ARFIP1: variants seen among roughly 807,000 people sequenced by gnomAD.
ARFIP1 encodes arfaptin-1.
In ARFIP1, 24 loss-of-function variants were observed where a neutral mutation model predicts 42.5. That is an observed-to-expected ratio of 0.57 (90% CI 0.41 to 0.80). ARFIP1 has a LOEUF of 0.80. Ranked by LOEUF, ARFIP1 falls within the 30% of genes least tolerant of loss-of-function variation. The pLI, the probability that ARFIP1 is intolerant of heterozygous loss-of-function variation, is 0.00. For synonymous variants in ARFIP1, 141 were observed against 153.7 expected, an observed-to-expected ratio of 0.92 and a Z score of 0.61; for missense variants, 354 against 434.0, an observed-to-expected ratio of 0.82 and a Z score of 1.64.
chr4:152,858,300 A>G (rs1578947819), intron 2 of ARFIP1, among the ~76,000 whole-genome samples: 2 of 152,200 alleles, frequency 1.3e-5, no homozygotes, highest in African/African-American at 4.8e-5. Context: ...TCAAAAAAGT[A>G]AAATAAAATA....
At chr4:152,893,150 T>C (rs1737003779) in intron 8 of ARFIP1, among the ~76,000 whole-genome samples, 1 of 152,206 alleles carries the variant, frequency 6.6e-6, no homozygotes, top group African/African-American at 2.4e-5. Flanking sequence ...TGCAGGTATA[T>C]AGTACTCATT....
chr4:152,825,403 C>T (rs1044959926), intron 1 of ARFIP1, among the ~76,000 whole-genome samples: 1 of 152,108 alleles, frequency 6.6e-6, no homozygotes, highest in African/African-American at 2.4e-5. Context: ...AAGCCAAATA[C>T]AACCAACTGA....
At chr4:152,877,143 G>A (rs1001621200) in intron 5 of ARFIP1, among the ~76,000 whole-genome samples, 1 of 152,142 alleles carries the variant, frequency 6.6e-6, no homozygotes, top group Non-Finnish European at 1.5e-5. Flanking sequence ...CCACCATCCT[G>A]CAGACCCCTG....
chr4:152,813,424 C>G (rs1729626136), intron 1 of ARFIP1, among the ~76,000 whole-genome samples: 1 of 152,122 alleles, frequency 6.6e-6, no homozygotes, highest in African/African-American at 2.4e-5. Flanking sequence ...TTATGCTTCT[C>G]TACTCTGCGT....
chr4:152,782,904 C>A (rs775871897), intron 1 of ARFIP1, among the ~76,000 whole-genome samples: 1 of 151,956 alleles, frequency 6.6e-6, no homozygotes. Flanking sequence ...TTGAAGAGAC[C>A]TATACAGCTC....
At chr4:152,783,995 G>A (rs945640998) in intron 1 of ARFIP1, among the ~76,000 whole-genome samples, 2 of 152,282 alleles carry the variant, frequency 1.3e-5, no homozygotes, top group African/African-American at 2.4e-5. Flanking sequence ...AATAAACTGG[G>A]CATTGTAAGA....
intron 1 of ARFIP1, among the ~76,000 whole-genome samples, chr4:152,795,689 A>G (rs919970902): frequency 6.6e-6 from 1 of 152,132 alleles, no homozygotes; most frequent in Non-Finnish European, 1.5e-5. Context: ...ATCCTCACTA[A>G]TGGAATGTTT....
chr4:152,846,846 A>G (rs959931579), intron 2 of ARFIP1, among the ~76,000 whole-genome samples: 5 of 152,130 alleles, frequency 3.3e-5, no homozygotes, highest in African/African-American at 1.2e-4. Flanking sequence ...TACATAAAAT[A>G]AAAGTGGTAG....
chr4:152,910,010 A>G lies in ARFIP1; in HGVS notation c.967-54A>G, dbSNP rs1738706546. 5.1e-6 allele frequency: 8 copies of G among 1,568,814 alleles called. No individual in the cohort carries two copies. In the South Asian group the frequency reaches 8.1e-5, roughly 16 times the overall value. ...TAAGGAATGTAATAAATCACTCTCT[A>G]TTTTATTGTTATTGGTGTTAATGCT... On this transcript the variant is annotated intron_variant, in intron 8 of 8. Coordinates refer to ENST00000353617, the MANE Select transcript of ARFIP1 (RefSeq NM_001025595.3).
At chr4:152,828,842 T>C (rs535550801) in intron 1 of ARFIP1, among the ~76,000 whole-genome samples, 1 of 152,348 alleles carries the variant, frequency 6.6e-6, no homozygotes, top group South Asian at 2.1e-4. Flanking sequence ...TTTATGAGCT[T>C]TATGGTTTGC....
intron 1 of ARFIP1, among the ~76,000 whole-genome samples, chr4:152,821,204 A>T (rs1730338590): frequency 6.6e-6 from 1 of 152,212 alleles, no homozygotes; most frequent in African/African-American, 2.4e-5. Context: ...ACTGAAGGAG[A>T]TACAAAAGAA....
rs148781276 is a variant in ARFIP1, at chr4:152,802,347, T to C, written c.-10+22121T>C. On this transcript the variant is annotated intron_variant, in intron 1 of 8. Transcript: ENST00000353617. Reference sequence around the variant, plus strand: ...CTTTCTTTTCTTCTTTCACTTTCTTTACTTTCTTCATTGCTTTGCCTGGAA... The same window carrying C: ...CTTTCTTTTCTTCTTTCACTTTCTTCACTTTCTTCATTGCTTTGCCTGGAA... 3.0e-3 allele frequency among the ~76,000 whole-genome samples: 462 copies of C among 152,324 alleles called. 1 individual carries two copies. Among genetic ancestry groups the C allele is most frequent in the South Asian group, 0.011 (51 of 4,834 alleles).
At chr4:152,902,776 G>T (rs1358436425) in intron 8 of ARFIP1, among the ~76,000 whole-genome samples, 1 of 152,142 alleles carries the variant, frequency 6.6e-6, no homozygotes, top group Non-Finnish European at 1.5e-5. Context: ...CTAAAAGTGG[G>T]ATTTGAACTT....
chr4:152,804,222 T>TATAAGATGTATTATATATTATATATAAC (rs1331325771), intron 1 of ARFIP1, among the ~76,000 whole-genome samples: 1,017 of 48,132 alleles, frequency 0.021, 220 homozygotes, highest in East Asian at 0.039. Context: ...TTATATATAA[T>TATAAGATGTATTATATATTATATATAAC]ATAACATGTA....
At chr4:152,780,410 G>T (rs116183847) in intron 1 of ARFIP1, among the ~76,000 whole-genome samples, 184 bp downstream of exon 1, 3,501 of 152,286 alleles carry the variant, frequency 0.023, 48 homozygotes, top group Non-Finnish European at 0.038. Context: ...CATTCCTTCT[G>T]TCCCTCTGAG....
At chr4:152,872,616 T>G in intron 5 of ARFIP1, 52 bp downstream of exon 5, 1 of 1,026,498 alleles carries the variant, frequency 9.7e-7, no homozygotes, top group Non-Finnish European at 1.4e-6. Context: ...AAAGTTCATT[T>G]ATATGTTTAT....
In ARFIP1 at chr4:152,814,273, T is replaced by C. The variant is rs190982672; in HGVS notation, c.-9-15352T>C. On this transcript the variant is annotated intron_variant, in intron 1 of 8. Coordinates refer to ENST00000353617, the MANE Select transcript of ARFIP1 (RefSeq NM_001025595.3). The stretch of plus-strand genomic sequence containing the variant: ...GCCTAGCTAATGTTTTTTGTATTTT[T>C]TGTAGAGACGGGGTTTTGTCGTATT... Among the ~76,000 whole-genome samples the C allele has an allele frequency of 7.6e-4, 115 of 152,194 alleles. 2 individuals carry two copies. The East Asian group carries it at 0.019, about 25-fold the overall frequency.
At chr4:152,878,999 G>A (rs1735597127) in intron 5 of ARFIP1, among the ~76,000 whole-genome samples, 1 of 150,562 alleles carries the variant, frequency 6.6e-6, no homozygotes, top group Non-Finnish European at 1.5e-5. Context: ...ATTATTTCTT[G>A]CTGATGGTTT....
chr4:152,882,550 A>G (rs1291113944), intron 6 of ARFIP1, among the ~76,000 whole-genome samples, 173 bp from the exon 7 acceptor site: 2 of 152,176 alleles, frequency 1.3e-5, no homozygotes, highest in Admixed American at 1.3e-4. Context: ...CTTTTTCAGT[A>G]ATTATATGGC....
Sources: allele counts gnomAD v4.1 joint callset (sites outside exome capture counted in the v4.1 genomes callset), GRCh38; gene constraint gnomAD v4.1.1; transcripts MANE v1.5; gene names NCBI Gene and HGNC (gene_info 2026-07-23, HGNC 2026-07-21).